Variants in DPP10 observed in about 807,000 individuals in gnomAD.
DPP10 encodes dipeptidyl peptidase like 10, also known as inactive dipeptidyl peptidase 10.
DPP10 carries 33 observed loss-of-function variants against 120.9 expected under a neutral mutation model. That is an observed-to-expected ratio of 0.27 (90% CI 0.21 to 0.37). DPP10 has a LOEUF of 0.37. Ranked by LOEUF, DPP10 falls within the 10% of genes least tolerant of loss-of-function variation. The pLI, the probability that DPP10 is intolerant of heterozygous loss-of-function variation, is 1.00. For missense variants in DPP10, 816 were observed against 942.8 expected (o/e 0.87, Z 1.76); for synonymous variants, 337 against 326.1 (o/e 1.03, Z -0.36).
At chr2:115,598,969 T>C (rs1408203027) in intron 5 of DPP10, among the ~76,000 whole-genome samples, 2 of 151,926 alleles carry the variant, frequency 1.3e-5, no homozygotes, top group African/African-American at 4.8e-5. Flanking sequence ...TATTTATTTA[T>C]TTTTTACCTC....
chr2:115,381,988 G>A (rs376380843), intron 3 of DPP10, among the ~76,000 whole-genome samples: 6,589 of 152,188 alleles, frequency 0.043, 135 homozygotes, highest in African/African-American at 0.065. Context: ...CGTCTGCAGA[G>A]GTTACTGCTG....
At chr2:114,779,511 T>A (rs911858090) in intron 1 of DPP10, among the ~76,000 whole-genome samples, 1 of 152,138 alleles carries the variant, frequency 6.6e-6, no homozygotes, top group African/African-American at 2.4e-5. Context: ...TCTTATAAAA[T>A]GTAATGATTG....
intron 1 of DPP10, among the ~76,000 whole-genome samples, chr2:114,549,663 CAA>C (rs869226518): frequency 1.9e-3 from 149 of 76,456 alleles, no homozygotes; most frequent in African/African-American, 5.9e-3. Flanking sequence ...TGTGTGTCAA[CAA>C]AAAAAAAAAA....
intron 3 of DPP10, among the ~76,000 whole-genome samples, chr2:115,488,995 C>T (rs1351818354): frequency 6.6e-6 from 1 of 151,152 alleles, no homozygotes; most frequent in African/African-American, 2.4e-5. Context: ...TCCAAAAGAA[C>T]AGTCTTTTAG....
chr2:115,409,622 A>T (rs1268656038), intron 3 of DPP10, among the ~76,000 whole-genome samples: 3 of 152,222 alleles, frequency 2.0e-5, no homozygotes, highest in Non-Finnish European at 4.4e-5. Flanking sequence ...AAAGAACTAA[A>T]AATAGATCTA....
At chr2:115,550,317 GT>G (rs1305898034) in intron 5 of DPP10, among the ~76,000 whole-genome samples, 2 of 151,868 alleles carry the variant, frequency 1.3e-5, no homozygotes, top group Non-Finnish European at 1.5e-5. Context: ...ATGTAGCTGA[GT>G]TTTTTTTGTC....
chr2:114,529,616 C>T lies in DPP10; in HGVS notation c.60+86778C>T, dbSNP rs7599434. Among the ~76,000 whole-genome samples the T allele has an allele frequency of 3.1e-4, 47 of 152,158 alleles. 1 individual carries two copies. Among genetic ancestry groups the T allele is most frequent in the African/African-American group, 1.1e-3 (47 of 41,500 alleles). ...TAATTCTTCTGTTTTCAGAAATTCTCTGCTCCTTTCTTGCCTCCTCCCATC... is the reference window on the plus strand; with the variant it reads ...TAATTCTTCTGTTTTCAGAAATTCTTTGCTCCTTTCTTGCCTCCTCCCATC... On this transcript the variant is annotated intron_variant, in intron 1 of 25. Transcript: ENST00000410059.
intron 1 of DPP10, among the ~76,000 whole-genome samples, chr2:115,134,416 C>T (rs1185675203): frequency 6.6e-6 from 1 of 152,086 alleles, no homozygotes; most frequent in Non-Finnish European, 1.5e-5. Context: ...TCGTAGACTG[C>T]CTAATGTTGA....
intron 1 of DPP10, among the ~76,000 whole-genome samples, chr2:114,723,914 G>T (rs1701872912): frequency 6.6e-6 from 1 of 152,176 alleles, no homozygotes; most frequent in South Asian, 2.1e-4. Flanking sequence ...ACAGACTTCA[G>T]CCCATAGGTA....
intron 1 of DPP10, among the ~76,000 whole-genome samples, chr2:114,543,873 T>TTTG (rs35592111): frequency 0.56 from 65,541 of 116,714 alleles, 14,605 homozygotes; most frequent in South Asian, 0.6. Flanking sequence ...GCTTGTTTTT[T>TTTG]TTGTTGTTGG....
At chr2:114,679,997 A>T (rs928803039) in intron 1 of DPP10, among the ~76,000 whole-genome samples, 1 of 151,996 alleles carries the variant, frequency 6.6e-6, no homozygotes, top group Non-Finnish European at 1.5e-5. Flanking sequence ...TTCCCCTAGG[A>T]TATTTAAAAT....
intron 1 of DPP10, among the ~76,000 whole-genome samples, chr2:114,693,014 G>T (rs1478491727): frequency 1.3e-5 from 2 of 151,978 alleles, no homozygotes; most frequent in East Asian, 1.9e-4. Context: ...ATAGTGATGG[G>T]TCTTGGCCAT....
At chr2:114,794,323 C>T (rs1403384498) in intron 1 of DPP10, among the ~76,000 whole-genome samples, 10 of 152,150 alleles carry the variant, frequency 6.6e-5, no homozygotes, top group South Asian at 2.1e-4. Context: ...AGAGAACCAC[C>T]GACATTTGTC....
chr2:114,696,338 A>C (rs1410421788), intron 1 of DPP10, among the ~76,000 whole-genome samples: 1 of 152,090 alleles, frequency 6.6e-6, no homozygotes, highest in African/African-American at 2.4e-5. Context: ...GGAAAATCTT[A>C]TACAAGTTTA....
At chr2:114,488,968 T>C (rs1212283656) in intron 1 of DPP10, among the ~76,000 whole-genome samples, 1 of 152,232 alleles carries the variant, frequency 6.6e-6, no homozygotes, top group African/African-American at 2.4e-5. Context: ...TTTTTCTTGC[T>C]TCTTTGAAGA....
intron 1 of DPP10, among the ~76,000 whole-genome samples, chr2:114,454,492 C>T (rs1409531917): frequency 1.3e-5 from 2 of 152,154 alleles, no homozygotes; most frequent in South Asian, 2.1e-4. Flanking sequence ...TGCTTTCTGC[C>T]TCCTATTTGA....
intron 1 of DPP10, among the ~76,000 whole-genome samples, chr2:114,927,119 G>A (rs912395008): frequency 3.3e-5 from 5 of 152,010 alleles, no homozygotes; most frequent in African/African-American, 1.2e-4. Flanking sequence ...AAAGTGCTGG[G>A]ATTACAGGCG....
intron 1 of DPP10, among the ~76,000 whole-genome samples, chr2:114,517,543 C>A (rs13399148): frequency 0.16 from 23,555 of 150,606 alleles, 1,969 homozygotes; most frequent in East Asian, 0.25. Flanking sequence ...AAAAAATTGT[C>A]TGTCTTCATG....
chr2:115,081,203 A>C (rs897694045), intron 1 of DPP10, among the ~76,000 whole-genome samples: 1 of 152,172 alleles, frequency 6.6e-6, no homozygotes, highest in African/African-American at 2.4e-5. Context: ...ATCTTTTCAG[A>C]TATATCAGCT....
Sources: gnomAD v4.1 joint callset for allele counts (sites outside exome capture counted in the v4.1 genomes callset) on GRCh38, gnomAD v4.1.1 for gene constraint, MANE v1.5 for transcripts, NCBI Gene and HGNC (gene_info 2026-07-23, HGNC 2026-07-21) for gene names.